The following FCN3 variants were observed in gnomAD, a reference collection of about 807,000 sequenced individuals.
FCN3 encodes ficolin-3.
Under a neutral mutation model 31.5 loss-of-function variants are expected in FCN3, and 28 were observed. The observed-to-expected ratio is 0.89, with a 90% CI of 0.66 to 1.22. The LOEUF is 1.22. Ranked by LOEUF, FCN3 falls within the 50% of genes most tolerant of loss-of-function variation. The pLI is 0.00. For missense variants in FCN3, 351 were observed against 386.8 expected, an observed-to-expected ratio of 0.91 and a Z score of 0.78; for synonymous variants, 124 against 147.4, an observed-to-expected ratio of 0.84 and a Z score of 1.15.
Position 27,373,353 on chromosome 1 carries a change from C to T in FCN3, c.266-90G>A, listed in dbSNP as rs559881658. The T allele has an allele frequency of 4.4e-6, 7 of 1,600,010 alleles. No homozygotes were observed. The South Asian group carries it at 5.5e-5, about 13-fold the overall frequency. On this transcript the variant is annotated intron_variant, in intron 4 of 7. Transcript: ENST00000270879. ...TGGAACAAGTGTGGGACCCTAGGGA[C>T]CCTCTTGGCTCCTTCAGGTCCCTGA...
At chr1:27,374,591 C>T (rs1336906324) in intron 1 of FCN3, 137 bp downstream of exon 1, 2 of 751,482 alleles carry the variant, frequency 2.7e-6, no homozygotes, top group African/African-American at 1.8e-5. Flanking sequence ...GCTTTGCATC[C>T]ATTTGCATAT....
chr1:27,374,243 G>A (rs1032981501), intron 2 of FCN3, 113 bp downstream of exon 2: 9 of 794,316 alleles, frequency 1.1e-5, no homozygotes, highest in Non-Finnish European at 1.9e-5. Flanking sequence ...CCTGGAGCTG[G>A]CACAGAGTAG....
Position 27,370,706 on chromosome 1 carries a change from A to G in FCN3, c.548T>C (p.Leu183Pro). 1 of 1,614,244 alleles carries G rather than the reference A, an allele frequency of 6.2e-7. No homozygotes were observed. The change falls in exon 7 of 8, where the codon CTG (leucine) becomes CCG (proline). Residue 183 changes from leucine to proline, a missense_variant. Leu to Pro is a moderately conservative substitution (Grantham distance 98, BLOSUM62 -3). Coordinates refer to ENST00000270879, the MANE Select transcript of FCN3 (RefSeq NM_003665.4). Reference protein sequence around the residue: ...LQGNWELRVELEDFNGNRTFA... With the variant: ...LQGNWELRVEPEDFNGNRTFA... ...AGTACGGTTACCATTAAAGTCTTCCAGCTCTACCCGCAGCTCCCAGTTACC... is the reference window on the plus strand; with the variant it reads ...AGTACGGTTACCATTAAAGTCTTCCGGCTCTACCCGCAGCTCCCAGTTACC...
At chr1:27,370,404 A>G in intron 7 of FCN3, 192 bp downstream of exon 7, 2 of 599,932 alleles carry the variant, frequency 3.3e-6, no homozygotes, top group Middle Eastern at 4.5e-4. Context: ...GATGGATTCA[A>G]ACTCAGGTCT....
intron 3 of FCN3, 52 bp downstream of exon 3, chr1:27,373,913 T>A (rs1407797699): frequency 2.0e-6 from 3 of 1,508,566 alleles, no homozygotes; most frequent in Admixed American, 1.7e-5. Flanking sequence ...CACCCTAGAG[T>A]CCAGGGACAG....
chr1:27,374,546 G>A, intron 1 of FCN3, 95 bp from the exon 2 acceptor site: 1 of 905,124 alleles, frequency 1.1e-6, no homozygotes, highest in South Asian at 1.5e-5. Flanking sequence ...CCCACTGTCA[G>A]GATGCTTGTC....
chr1:27,373,861 T>C, intron 3 of FCN3, 104 bp downstream of exon 3: 4 of 1,011,284 alleles, frequency 4.0e-6, no homozygotes, highest in Non-Finnish European at 6.1e-6. Flanking sequence ...TCCATTCCCC[T>C]GTGAGAGAGC....
At position 27,374,011 on chromosome 1, in the gene FCN3, T is replaced by G; in HGVS notation, c.188-2A>C. Reference sequence around the variant, plus strand: ...TCTTGCCTGGTGGTCCAGGTGGCCCTGAAATCACAAAGGCAGAGATTTCCT... The same window carrying G: ...TCTTGCCTGGTGGTCCAGGTGGCCCGGAAATCACAAAGGCAGAGATTTCCT... On this transcript the variant is annotated splice_acceptor_variant, in intron 2 of 7. Transcript: ENST00000270879. LOFTEE classifies it high-confidence loss of function. 6.2e-7 allele frequency: 1 copy of G among 1,613,426 alleles called. No homozygotes were observed. The highest frequency in any genetic ancestry group is 1.3e-5 in the African/African-American group (1 of 75,034).
rs573978958 is a variant in FCN3, at chr1:27,373,317, C to A, written c.266-54G>T. 4.3e-6 allele frequency: 7 copies of A among 1,609,646 alleles called. No individual in the cohort carries two copies. The African/African-American group carries it at 8.0e-5, about 18-fold the overall frequency. On this transcript the variant is annotated intron_variant, in intron 4 of 7. Coordinates refer to ENST00000270879, the MANE Select transcript of FCN3 (RefSeq NM_003665.4). ...TGCCCAGGTTATTCCCTGACCCCCA[C>A]CCCCAGGCACTGGAACAAGTGTGGG...
rs2016195546 is a variant in FCN3 at position 27,373,749 on chromosome 1, TCTC to T, written c.232+213_232+215del. On this transcript the variant is annotated intron_variant, in intron 3 of 7. Coordinates refer to ENST00000270879, the MANE Select transcript of FCN3 (RefSeq NM_003665.4). Reference sequence around the variant, plus strand: ...GGCCTTCATAGGGTACCCAGGCCCTTCTCCTAATCCTCCCCACTCCTCCCAGCC... The same window carrying T: ...GGCCTTCATAGGGTACCCAGGCCCTTCTAATCCTCCCCACTCCTCCCAGCC... 7.8e-6 allele frequency: 5 copies of T among 643,652 alleles called. No homozygotes were observed. In the East Asian group the frequency reaches 1.4e-4, roughly 18 times the overall value. The allele number at this position is 643,652 out of a possible 1,614,324, so 39.9% of individuals were successfully genotyped here. A position where few individuals can be genotyped will look rare whatever the true frequency, so the allele number is the denominator to read the frequency against.
intron 5 of FCN3, 133 bp downstream of exon 5, chr1:27,373,001 TGG>T: frequency 9.0e-7 from 1 of 1,117,068 alleles, no homozygotes; most frequent in Non-Finnish European, 1.3e-6. Context: ...CAGGTCCCAT[TGG>T]GGGCTCACTA....
In FCN3 at chr1:27,374,795, G is replaced by T; in HGVS notation, c.24C>A (p.Pro8=). ...CCCCAAGCAGGAGAAGCCACAGGGA[G>T]GGCAGGATCCACAGTAGATCCATCT... is the stretch of plus-strand genomic sequence containing the variant. MDLLWIL[P]SLWLLLLGGP... Residue 8 remains proline (P), a synonymous_variant, in exon 1 of 8, where the codon CCC becomes CCA. Transcript: ENST00000270879. 1 of 1,386,122 alleles carries T rather than the reference G, an allele frequency of 7.2e-7. No individual in the cohort carries two copies. The allele number at this position is 1,386,122 out of a possible 1,614,324, so 85.9% of individuals were successfully genotyped here. A position where few individuals can be genotyped will look rare whatever the true frequency, so the allele number is the denominator to read the frequency against.
intron 5 of FCN3, 66 bp from the exon 6 acceptor site, chr1:27,371,038 C>T: frequency 1.3e-6 from 2 of 1,545,300 alleles, no homozygotes; most frequent in Non-Finnish European, 1.8e-6. Context: ...GGTGCAGGAA[C>T]TGTGAGGGGT....
At chr1:27,371,007 G>C (rs201110787) in intron 5 of FCN3, 35 bp from the exon 6 acceptor site, 1 of 1,602,698 alleles carries the variant, frequency 6.2e-7, no homozygotes, top group African/African-American at 1.3e-5. Flanking sequence ...TATTACTCCA[G>C]GCTGGGCACT....
intron 1 of FCN3, 110 bp from the exon 2 acceptor site, chr1:27,374,561 G>T: frequency 1.2e-6 from 1 of 836,502 alleles, no homozygotes; most frequent in Non-Finnish European, 1.9e-6. Flanking sequence ...CTTGTCTCCT[G>T]AGCTGGCAAG....
At position 27,373,179 on chromosome 1, in the gene FCN3, AG is replaced by A. The variant is rs532781899; in HGVS notation, c.349del (p.Leu117SerfsTer65). 25,779 of 1,613,992 alleles carry A rather than the reference AG, an allele frequency of 0.016. 299 individuals are homozygous for A. Among genetic ancestry groups the A allele is most frequent in the Middle Eastern group, 0.042 (256 of 6,060 alleles). On this transcript the variant is annotated frameshift_variant, in exon 5 of 8. Transcript: ENST00000270879. LOFTEE classifies it high-confidence loss of function. Reference sequence around the variant, plus strand: ...GGTGTCCATGTCACAAAAGACTGGGAGGGCCCTGCCCTCAGGTAGGCACAGA... The same window carrying A: ...GGTGTCCATGTCACAAAAGACTGGGAGGCCCTGCCCTCAGGTAGGCACAGA... ...YHLCLPEGRA[L>X]PVFCDMDTEG...
Position 27,373,139 on chromosome 1 carries a change from C to T in FCN3, c.390G>A (p.Trp130Ter), listed in dbSNP as rs2016180871. 6.2e-7 allele frequency: 1 copy of T among 1,613,622 alleles called. No homozygotes were observed. Among genetic ancestry groups the T allele is most frequent in the Non-Finnish European group, 8.5e-7 (1 of 1,179,800 alleles). The change falls in exon 5 of 8, where the codon TGG becomes TGA. Residue 130 changes from tryptophan (W) to a stop codon, truncating the protein, a stop_gained. Transcript: ENST00000270879. LOFTEE classifies it high-confidence loss of function. ...FCDMDTEGGG[W>*]LVFQRRQDGS... ...AGCCCATTTCTCAGACACTCACCAG[C>T]CAGCCGCCCCCCTCGGTGTCCATGT...
chr1:27,374,428 T>C lies in FCN3; in HGVS notation c.115A>G (p.Lys39Glu), dbSNP rs1282742845. The change falls in exon 2 of 8, where the codon AAA becomes GAA. Residue 39 changes from lysine (K) to glutamate (E), a missense_variant. Coordinates refer to ENST00000270879, the MANE Select transcript of FCN3 (RefSeq NM_003665.4). The stretch of plus-strand genomic sequence containing the variant: ...GGACAACTGGGCAGGAGGACAACTT[T>C]GCTGGCTTCCAGTTCCCTGGGTCCT... Reference protein sequence around the residue: ...CPGPRELEASKVVLLPSCPGA... With the variant: ...CPGPRELEASEVVLLPSCPGA... 6.2e-7 allele frequency: 1 copy of C among 1,613,686 alleles called. No individual in the cohort carries two copies. The highest frequency in any genetic ancestry group is 8.5e-7 in the Non-Finnish European group (1 of 1,179,884).
Position 27,371,830 on chromosome 1 carries a change from G to A in FCN3, c.394-858C>T, listed in dbSNP as rs536111224. 2.0e-5 allele frequency among the ~76,000 whole-genome samples: 3 copies of A among 150,818 alleles called. No individual in the cohort carries two copies. In the East Asian group the frequency reaches 6.1e-4, roughly 31 times the overall value. On this transcript the variant is annotated intron_variant, in intron 5 of 7. Coordinates refer to ENST00000270879, the MANE Select transcript of FCN3 (RefSeq NM_003665.4). ...GCTGGAGTACAGTGGTGTGATCTCG[G>A]CTCACTGCAACCTCTGCCTCCCTGG...
Sources: allele counts gnomAD v4.1 joint callset (sites outside exome capture counted in the v4.1 genomes callset), GRCh38; gene constraint gnomAD v4.1.1; transcripts MANE v1.5; gene names NCBI Gene and HGNC (gene_info 2026-07-23, HGNC 2026-07-21).